CPSF3: variants seen among roughly 807,000 people sequenced by gnomAD.
The protein encoded by CPSF3 is cleavage and polyadenylation specific factor 3, also known as cleavage and polyadenylation specificity factor subunit 3.
Under a neutral mutation model 84.1 loss-of-function variants are expected in CPSF3, and 57 were observed. That is an observed-to-expected ratio of 0.68 (90% CI 0.55 to 0.85). The LOEUF is 0.85. Among genes scored for constraint, CPSF3 ranks in the 40% least tolerant of loss-of-function variants. The probability of loss-of-function intolerance (pLI) is 0.00; values close to 1 mark genes in which losing one functional copy is unlikely to be tolerated. For synonymous variants in CPSF3, 275 were observed against 278.1 expected (o/e 0.99, Z 0.11); for missense variants, 522 against 838.8 (o/e 0.62, Z 4.66).
At chr2:9,451,504 C>T (rs1363412819) in intron 11 of CPSF3, among the ~76,000 whole-genome samples, 1 of 152,028 alleles carries the variant, frequency 6.6e-6, no homozygotes, top group Non-Finnish European at 1.5e-5. Context: ...TGGCTCTCGC[C>T]TGTAATCCCA....
At chr2:9,426,727 A>G (rs1257697401) in intron 1 of CPSF3, among the ~76,000 whole-genome samples, 6 of 152,122 alleles carry the variant, frequency 3.9e-5, no homozygotes, top group Non-Finnish European at 5.9e-5. Context: ...AGGAAGGAGC[A>G]GGTACTCCTT....
chr2:9,443,310 G>A (rs1280814470), intron 9 of CPSF3, among the ~76,000 whole-genome samples: 1 of 152,120 alleles, frequency 6.6e-6, no homozygotes, highest in African/African-American at 2.4e-5. Context: ...ATGAGTTTTA[G>A]TTAATTTGTT....
intron 14 of CPSF3, 118 bp downstream of exon 14, chr2:9,457,145 A>ATG (rs1242754370): frequency 8.7e-4 from 415 of 475,138 alleles, no homozygotes; most frequent in Non-Finnish European, 1.0e-3. Context: ...GTTGGAAAGT[A>ATG]TATGTGTGTG....
chr2:9,428,223 T>C (rs1680458616), intron 1 of CPSF3, among the ~76,000 whole-genome samples: 1 of 150,994 alleles, frequency 6.6e-6, no homozygotes, highest in Non-Finnish European at 1.5e-5. Flanking sequence ...GGTCTCGATA[T>C]CCTGATCTCG....
intron 15 of CPSF3, among the ~76,000 whole-genome samples, chr2:9,466,777 G>A (rs553177231): frequency 6.6e-6 from 1 of 152,302 alleles, no homozygotes; most frequent in South Asian, 2.1e-4. Context: ...AGCCTTTGAT[G>A]ACTGGTTTCC....
intron 6 of CPSF3, among the ~76,000 whole-genome samples, chr2:9,434,418 C>T (rs1680708500): frequency 6.6e-6 from 1 of 151,970 alleles, no homozygotes; most frequent in Non-Finnish European, 1.5e-5. Flanking sequence ...TGCAGTTTCA[C>T]TTTCTTGCTG....
At chr2:9,452,890 C>G in intron 11 of CPSF3, 23 bp from the exon 12 acceptor site, 3 of 1,517,834 alleles carry the variant, frequency 2.0e-6, no homozygotes, top group Non-Finnish European at 2.7e-6. Flanking sequence ...GTTCTATTTT[C>G]TTCAAGTATT....
intron 16 of CPSF3, among the ~76,000 whole-genome samples, chr2:9,468,209 G>A (rs1168401939): frequency 6.6e-6 from 1 of 152,068 alleles, no homozygotes; most frequent in Non-Finnish European, 1.5e-5. Context: ...TTTAAACTAA[G>A]TATTTCTTTT....
At chr2:9,446,580 C>CAA (rs71389245) in intron 10 of CPSF3, among the ~76,000 whole-genome samples, 150 of 88,864 alleles carry the variant, frequency 1.7e-3, no homozygotes, top group Non-Finnish European at 2.1e-3. Flanking sequence ...GACTCGGTCT[C>CAA]AAAAAAAAAA....
At chr2:9,435,368 A>G (rs1680738592) in intron 6 of CPSF3, among the ~76,000 whole-genome samples, 2 of 152,220 alleles carry the variant, frequency 1.3e-5, no homozygotes, top group South Asian at 4.1e-4. Flanking sequence ...ACATGGGAAG[A>G]AGATACAGTT....
intron 9 of CPSF3, among the ~76,000 whole-genome samples, chr2:9,442,771 T>G (rs1276710073): frequency 6.6e-6 from 1 of 150,720 alleles, no homozygotes; most frequent in Non-Finnish European, 1.5e-5. Flanking sequence ...GAGAATTGCT[T>G]GAAACTGGAG....
chr2:9,437,277 A>G (rs1680816692), intron 7 of CPSF3, among the ~76,000 whole-genome samples: 1 of 152,006 alleles, frequency 6.6e-6, no homozygotes, highest in Non-Finnish European at 1.5e-5. Context: ...GGTGGCACAC[A>G]CCTGTAGTTC....
chr2:9,465,632 A>G (rs1681878882), intron 15 of CPSF3, among the ~76,000 whole-genome samples: 1 of 152,124 alleles, frequency 6.6e-6, no homozygotes, highest in Admixed American at 6.6e-5. Flanking sequence ...TTATTTATCA[A>G]ACTGACTTCT....
At chr2:9,458,394 A>G (rs1572799689) in intron 14 of CPSF3, among the ~76,000 whole-genome samples, 1 of 152,182 alleles carries the variant, frequency 6.6e-6, no homozygotes, top group East Asian at 1.9e-4. Context: ...ACAGAGCGAG[A>G]CGCTGTCTCA....
Position 9,455,642 on chromosome 2 carries a change from T to C in CPSF3, c.1505-17T>C, listed in dbSNP as rs1161964148. On this transcript the variant is annotated splice_polypyrimidine_tract_variant and intron_variant, in intron 12 of 17. Transcript: ENST00000238112. Reference sequence around the variant, plus strand: ...AGGACTAGTATTTCTTCAAGTCTCTTCTCATTTTCTCTTCAGATTATACTG... The same window carrying C: ...AGGACTAGTATTTCTTCAAGTCTCTCCTCATTTTCTCTTCAGATTATACTG... The C allele has an allele frequency of 4.4e-6, 7 of 1,582,990 alleles. No individual in the cohort carries two copies. Among genetic ancestry groups the C allele is most frequent in the Admixed American group, 3.4e-5 (2 of 58,674 alleles).
intron 1 of CPSF3, among the ~76,000 whole-genome samples, chr2:9,425,554 G>T (rs1217109065): frequency 6.6e-6 from 1 of 152,126 alleles, no homozygotes; most frequent in Non-Finnish European, 1.5e-5. Context: ...TCAGGATTTT[G>T]TGGCTGATCA....
intron 15 of CPSF3, among the ~76,000 whole-genome samples, chr2:9,459,884 G>A (rs530530066): frequency 2.0e-5 from 3 of 151,730 alleles, no homozygotes; most frequent in South Asian, 2.1e-4. Context: ...TCCTGACCTC[G>A]TGATCCGCCC....
intron 1 of CPSF3, 46 bp downstream of exon 1, chr2:9,423,869 G>A (rs1413922985): frequency 1.2e-6 from 2 of 1,606,168 alleles, no homozygotes; most frequent in South Asian, 1.1e-5. Flanking sequence ...GCTGTGAGGG[G>A]CGCGAGGGGT....
intron 13 of CPSF3, 30 bp from the exon 14 acceptor site, chr2:9,456,903 A>G (rs760437575): frequency 6.9e-6 from 9 of 1,306,686 alleles, no homozygotes; most frequent in Middle Eastern, 2.3e-4. Flanking sequence ...AGAAAAGTAT[A>G]TACATCTTAT....
Sources: gnomAD v4.1 joint callset for allele counts (sites outside exome capture counted in the v4.1 genomes callset) on GRCh38, gnomAD v4.1.1 for gene constraint, MANE v1.5 for transcripts, NCBI Gene and HGNC (gene_info 2026-07-23, HGNC 2026-07-21) for gene names.